The following NKTR variants were observed in gnomAD, a reference collection of about 807,000 sequenced individuals.
NKTR encodes natural killer cell triggering receptor, also known as NK-tumor recognition protein.
Under a neutral mutation model 156.3 loss-of-function variants are expected in NKTR, and 67 were observed. The ratio of observed to expected loss-of-function variants is 0.43; its 90% CI spans 0.35 to 0.53. The LOEUF is 0.53. Among genes scored for constraint, NKTR ranks in the 20% least tolerant of loss-of-function variants. The pLI, the probability that NKTR is intolerant of heterozygous loss-of-function variation, is 0.01. For synonymous variants in NKTR, 640 were observed against 596.6 expected (o/e 1.07, Z -1.06); for missense variants, 1,604 against 1,730.9 (o/e 0.93, Z 1.30).
At chr3:42,619,917 A>G (rs988718179) in intron 5 of NKTR, 1 of 1,450,656 alleles carries the variant, frequency 6.9e-7, no homozygotes, top group Admixed American at 2.7e-5. Context: ...GGCTAACTTT[A>G]TGGTTAAACA....
At chr3:42,632,061 C>CTTTTTT (rs564114469) in intron 8 of NKTR, among the ~76,000 whole-genome samples, 12 of 86,516 alleles carry the variant, frequency 1.4e-4, no homozygotes, top group Non-Finnish European at 1.7e-4. Flanking sequence ...TTATGCAATT[C>CTTTTTT]TTTTTTTTTT....
chr3:42,639,466 G>C lies in NKTR; in HGVS notation c.3762G>C (p.Val1254=). 6.2e-7 allele frequency: 1 copy of C among 1,614,218 alleles called. No homozygotes were observed. The highest frequency in any genetic ancestry group is 8.5e-7 in the Non-Finnish European group (1 of 1,180,046). ...SAVEVKVLTT[V]PEMKPQGLRI... is the part of the protein sequence containing the mutation. ...TGGAAGTTAAGGTGTTGACCACTGTGCCTGAAATGAAACCACAAGGCTTGA... is the reference window on the plus strand; with the variant it reads ...TGGAAGTTAAGGTGTTGACCACTGTCCCTGAAATGAAACCACAAGGCTTGA... The change falls in exon 13 of 17, where the codon GTG becomes GTC. Residue 1254 remains valine (V), a synonymous_variant. Coordinates refer to ENST00000232978, the MANE Select transcript of NKTR (RefSeq NM_005385.4).
intron 6 of NKTR, chr3:42,628,328 A>C (rs1708585520): frequency 1.0e-6 from 1 of 985,288 alleles, no homozygotes. Flanking sequence ...AAGTTTGCCT[A>C]TTCTTGGCAG....
intron 2 of NKTR, among the ~76,000 whole-genome samples, chr3:42,608,973 C>T (rs1295563591): frequency 6.6e-6 from 1 of 151,908 alleles, no homozygotes; most frequent in Non-Finnish European, 1.5e-5. Flanking sequence ...AAAAGAAGTA[C>T]AAAAATTAGC....
chr3:42,635,282 A>G lies in NKTR; in HGVS notation c.1079A>G (p.Glu360Gly). The G allele has an allele frequency of 3.7e-6, 6 of 1,613,778 alleles. No individual in the cohort carries two copies. Among genetic ancestry groups the G allele is most frequent in the Non-Finnish European group, 5.1e-6 (6 of 1,179,704 alleles). The change falls in exon 12 of 17, where the codon GAA (glutamate) becomes GGA (glycine). Residue 360 changes from glutamate to glycine, a missense_variant. Around this residue, in one of 6 missense-constraint regions of NKTR, gnomAD observed 1,255 missense variants for 1,243.7 expected, o/e 1.01. Coordinates refer to ENST00000232978, the MANE Select transcript of NKTR (RefSeq NM_005385.4). Reference protein sequence around the residue: ...CSESDDDDSSETPPHWKEEMQ... With the variant: ...CSESDDDDSSGTPPHWKEEMQ... ...GAGTCAGATGATGATGACAGCAGTG[A>G]AACTCCTCCTCACTGGAAAGAGGAA...
intron 6 of NKTR, chr3:42,629,370 T>C: frequency 1.1e-6 from 1 of 948,890 alleles, no homozygotes; most frequent in Non-Finnish European, 1.3e-6. Flanking sequence ...CATTTTAATT[T>C]TTTTAAATTA....
intron 2 of NKTR, among the ~76,000 whole-genome samples, chr3:42,608,923 C>G (rs1706501457): frequency 6.6e-6 from 1 of 152,052 alleles, no homozygotes; most frequent in South Asian, 2.1e-4. Context: ...GTCAGGAGTT[C>G]CAGACAAGCC....
intron 13 of NKTR, among the ~76,000 whole-genome samples, chr3:42,641,224 T>A (rs1245804195): frequency 6.6e-6 from 1 of 152,216 alleles, no homozygotes; most frequent in African/African-American, 2.4e-5. Flanking sequence ...CATCGTTCAG[T>A]CACCTCACAG....
intron 2 of NKTR, among the ~76,000 whole-genome samples, chr3:42,605,320 T>G (rs556703505): frequency 7.9e-5 from 12 of 152,384 alleles, no homozygotes; most frequent in Non-Finnish European, 1.5e-4. Context: ...TCAGTATGTT[T>G]AACTGTATAC....
intron 12 of NKTR, among the ~76,000 whole-genome samples, chr3:42,636,391 G>A (rs540994416): frequency 1.3e-5 from 2 of 152,102 alleles, no homozygotes; most frequent in Admixed American, 6.6e-5. Flanking sequence ...ACAGTCTTAG[G>A]GGAAATCTGG....
chr3:42,626,159 AG>A (rs1372969169), intron 6 of NKTR, among the ~76,000 whole-genome samples: 14 of 141,882 alleles, frequency 9.9e-5, no homozygotes, highest in African/African-American at 4.1e-4. Context: ...TTACACCTAC[AG>A]TCACTTATTT....
chr3:42,627,587 T>A, intron 6 of NKTR: 1 of 985,178 alleles, frequency 1.0e-6, no homozygotes, highest in South Asian at 4.7e-5. Context: ...GCAGTGACAC[T>A]TGTCAATTTC....
intron 6 of NKTR, among the ~76,000 whole-genome samples, chr3:42,622,693 CTCT>C: frequency 6.6e-6 from 1 of 152,010 alleles, no homozygotes; most frequent in Non-Finnish European, 1.5e-5. Flanking sequence ...TTTGTTATTA[CTCT>C]TCTTTAACAG....
rs940889763 is a variant in NKTR at position 42,648,115 on chromosome 3, C to T, written c.*2140C>T. 6.6e-6 allele frequency: 1 copy of T among 152,254 alleles called. No homozygotes were observed. The highest frequency in any genetic ancestry group is 1.5e-5 in the Non-Finnish European group (1 of 68,074). 9.4% of individuals were successfully genotyped at this position (152,254 alleles called of 1,614,324 possible). On this transcript the variant is annotated 3_prime_UTR_variant, in exon 17 of 17. Coordinates refer to ENST00000232978, the MANE Select transcript of NKTR (RefSeq NM_005385.4). ...CCCCTCCAGCTTCAAACCAGCCTTC[C>T]TGCTCTTTCTCATGCTTCATATCTC... is the stretch of plus-strand genomic sequence containing the variant.
At position 42,604,205 on chromosome 3, in the gene NKTR, C is replaced by T. The variant is rs142599096; in HGVS notation, c.58+3141C>T. On this transcript the variant is annotated intron_variant, in intron 2 of 16. Coordinates refer to ENST00000232978, the MANE Select transcript of NKTR (RefSeq NM_005385.4). ...TTGTCTTTTTCCTTTGTCAGTCTGA[C>T]GAGAGGTTTATTCATTATACATTTT... Among the ~76,000 whole-genome samples the T allele has an allele frequency of 4.7e-4, 72 of 152,194 alleles. No individual in the cohort carries two copies. In the East Asian group the frequency reaches 0.011, roughly 24 times the overall value.
chr3:42,638,421 C>A lies in NKTR; in HGVS notation c.2717C>A (p.Ser906Tyr), dbSNP rs768288676. The A allele has an allele frequency of 1.9e-6, 3 of 1,613,644 alleles. No homozygotes were observed. The South Asian group carries it at 3.3e-5, about 18-fold the overall frequency. ...TKNSKNDSHP[S>Y]SDKEEGEATS... ...AACAGTAAAAATGACTCCCATCCAT[C>A]CTCTGACAAGGAAGAAGGTGAGGCC... Residue 906 changes from serine (S) to tyrosine (Y), a missense_variant, in exon 13 of 17, where the codon TCC (serine) becomes TAC (tyrosine). Transcript: ENST00000232978.
In NKTR at chr3:42,624,633, G is replaced by A. The variant is rs796435017; in HGVS notation, c.374+3117G>A. 1.2e-4 allele frequency among the ~76,000 whole-genome samples: 19 copies of A among 152,114 alleles called. No homozygotes were observed. The East Asian group carries it at 3.5e-3, about 28-fold the overall frequency. On this transcript the variant is annotated intron_variant, in intron 6 of 16. Coordinates refer to ENST00000232978, the MANE Select transcript of NKTR (RefSeq NM_005385.4). ...ACAATCTGGAAGAAACTGATAGCTAGAAAAAGAATGCTGCATACTTATTCA... is the reference window on the plus strand; with the variant it reads ...ACAATCTGGAAGAAACTGATAGCTAAAAAAAGAATGCTGCATACTTATTCA...
At chr3:42,630,162 T>C (rs1708758298) in intron 6 of NKTR, 3 of 1,016,042 alleles carry the variant, frequency 3.0e-6, no homozygotes, top group East Asian at 9.0e-5. Context: ...GCTTTTCTTA[T>C]TTAATTACGC....
At chr3:42,622,070 T>C (rs1221589038) in intron 6 of NKTR, among the ~76,000 whole-genome samples, 1 of 152,038 alleles carries the variant, frequency 6.6e-6, no homozygotes, top group African/African-American at 2.4e-5. Context: ...TCTCCATGCA[T>C]AATTGAAATA....
Sources: gnomAD v4.1 joint callset for allele counts (sites outside exome capture counted in the v4.1 genomes callset) on GRCh38, gnomAD v4.1.1 for gene constraint, gnomAD v4.1.1 regional missense constraint, MANE v1.5 for transcripts, NCBI Gene and HGNC (gene_info 2026-07-23, HGNC 2026-07-21) for gene names.